Variants in DENND5B observed in about 807,000 individuals in gnomAD.
DENND5B encodes the protein DENN domain containing 5B.
Under a neutral mutation model 140.6 loss-of-function variants are expected in DENND5B, and 34 were observed. The ratio of observed to expected loss-of-function variants is 0.24; its 90% CI spans 0.18 to 0.32. DENND5B has a LOEUF of 0.32. Ranked by LOEUF, DENND5B falls within the 10% of genes least tolerant of loss-of-function variation. The pLI is 1.00. For synonymous variants in DENND5B, 551 were observed against 562.1 expected, an observed-to-expected ratio of 0.98 and a Z score of 0.28; for missense variants, 1,142 against 1,560.2, an observed-to-expected ratio of 0.73 and a Z score of 4.52.
At chr12:31,402,994 T>G (rs1565544994) in intron 14 of DENND5B, among the ~76,000 whole-genome samples, 1 of 152,222 alleles carries the variant, frequency 6.6e-6, no homozygotes, top group Non-Finnish European at 1.5e-5. Flanking sequence ...TTGCTTAAAT[T>G]TTCTTAAAAA....
chr12:31,547,921 G>T (rs1948917124), intron 1 of DENND5B, among the ~76,000 whole-genome samples: 1 of 151,984 alleles, frequency 6.6e-6, no homozygotes, highest in Non-Finnish European at 1.5e-5. Context: ...GGCCAGGCTG[G>T]TCTCAAACTC....
intron 11 of DENND5B, among the ~76,000 whole-genome samples, chr12:31,418,193 C>T (rs1017874229): frequency 1.3e-5 from 2 of 152,026 alleles, no homozygotes; most frequent in Non-Finnish European, 2.9e-5. Context: ...ATCTTGACAC[C>T]CAAGAGGTAA....
chr12:31,539,784 GA>G (rs893163124), intron 1 of DENND5B, among the ~76,000 whole-genome samples: 84 of 144,456 alleles, frequency 5.8e-4, no homozygotes, highest in African/African-American at 1.4e-3. Context: ...TACTGATGAG[GA>G]AAAAAAAAAA....
At chr12:31,589,705 A>T (rs1209299333) in intron 1 of DENND5B, among the ~76,000 whole-genome samples, 1 of 152,036 alleles carries the variant, frequency 6.6e-6, no homozygotes, top group African/African-American at 2.4e-5. Context: ...CTTTAACACA[A>T]AGTTCAGGCG....
intron 5 of DENND5B, 154 bp downstream of exon 5, chr12:31,451,786 G>C: frequency 1.2e-6 from 1 of 844,498 alleles, no homozygotes; most frequent in Non-Finnish European, 1.8e-6. Flanking sequence ...GTTCTTAATG[G>C]GGCTGGAAGA....
intron 11 of DENND5B, among the ~76,000 whole-genome samples, chr12:31,422,740 TAAAGA>T (rs1216251232): frequency 1.3e-5 from 2 of 152,140 alleles, no homozygotes; most frequent in Non-Finnish European, 2.9e-5. Context: ...TTATTTTACA[TAAAGA>T]AAAGCATGTG....
rs570644782 is a variant in DENND5B at position 31,485,136 on chromosome 12, A to T, written c.238-4881T>A. On this transcript the variant is annotated intron_variant, in intron 2 of 20. Coordinates refer to ENST00000389082, the MANE Select transcript of DENND5B (RefSeq NM_144973.4). ...AGCAAATCGATGAGATGCATCAAAAACTGCAAAGCCTGCAGCGGGCACTGG... is the reference window on the plus strand; with the variant it reads ...AGCAAATCGATGAGATGCATCAAAATCTGCAAAGCCTGCAGCGGGCACTGG... Among the ~76,000 whole-genome samples the T allele has an allele frequency of 1.2e-3, 178 of 152,296 alleles. 2 individuals are homozygous for T. The highest frequency in any genetic ancestry group is 4.2e-3 in the African/African-American group (176 of 41,566).
intron 1 of DENND5B, among the ~76,000 whole-genome samples, chr12:31,509,323 A>G (rs1320529164): frequency 6.6e-6 from 1 of 152,276 alleles, no homozygotes; most frequent in East Asian, 1.9e-4. Flanking sequence ...ATTCATCCCT[A>G]AAGAGGAGTT....
At chr12:31,407,330 C>T (rs1942181341) in intron 14 of DENND5B, among the ~76,000 whole-genome samples, 1 of 152,016 alleles carries the variant, frequency 6.6e-6, no homozygotes, top group Admixed American at 6.6e-5. Flanking sequence ...GGGGTTTCAC[C>T]ATGTTGGTCA....
intron 1 of DENND5B, among the ~76,000 whole-genome samples, chr12:31,521,716 T>TCC (rs1385158008): frequency 6.6e-6 from 1 of 152,130 alleles, no homozygotes; most frequent in Non-Finnish European, 1.5e-5. Context: ...TCCTCTTGCT[T>TCC]CCCCTAGCCA....
At position 31,480,351 on chromosome 12, in the gene DENND5B, A is replaced by T. The variant is rs1261352039; in HGVS notation, c.238-96T>A. 4 of 1,228,264 alleles carry T rather than the reference A, an allele frequency of 3.3e-6. No homozygotes were observed. The African/African-American group carries it at 6.1e-5, about 19-fold the overall frequency. The allele number at this position is 1,228,264 out of a possible 1,614,324, so 76.1% of individuals were successfully genotyped here. A position where few individuals can be genotyped will look rare whatever the true frequency, so the allele number is the denominator to read the frequency against. ...TTTTTTAACATAACAGGATTCAAAA[A>T]GACAGGTTTTATCCAGATTTAATAT... On this transcript the variant is annotated intron_variant, in intron 2 of 20. Coordinates refer to ENST00000389082, the MANE Select transcript of DENND5B (RefSeq NM_144973.4).
chr12:31,417,617 T>G (rs1479777531), intron 11 of DENND5B, among the ~76,000 whole-genome samples: 1 of 152,112 alleles, frequency 6.6e-6, no homozygotes. Flanking sequence ...AATTTTTGTA[T>G]TTTTTGTAGA....
intron 1 of DENND5B, among the ~76,000 whole-genome samples, chr12:31,583,691 A>ACAAAAG (rs1950290265): frequency 6.6e-6 from 1 of 150,680 alleles, no homozygotes; most frequent in Admixed American, 6.6e-5. Context: ...AAAAACAAAA[A>ACAAAAG]CAAAAACAAA....
chr12:31,476,493 A>AG (rs1193294787), intron 3 of DENND5B, among the ~76,000 whole-genome samples: 1 of 151,888 alleles, frequency 6.6e-6, no homozygotes, highest in Non-Finnish European at 1.5e-5. Flanking sequence ...GAAAAAAAAA[A>AG]AACCCAAACT....
At chr12:31,415,485 A>G in intron 11 of DENND5B, 37 bp from the exon 12 acceptor site, 2 of 1,471,254 alleles carry the variant, frequency 1.4e-6, no homozygotes, top group Middle Eastern at 1.7e-4. Flanking sequence ...TTAGAAAAGT[A>G]ATAAAAAATA....
intron 17 of DENND5B, among the ~76,000 whole-genome samples, chr12:31,394,706 C>T (rs1470024936): frequency 6.6e-5 from 10 of 151,734 alleles, no homozygotes; most frequent in Middle Eastern, 3.2e-3. Context: ...TTCCGCCTCC[C>T]GGGTTCACGC....
At chr12:31,571,224 C>T (rs1474855542) in intron 1 of DENND5B, among the ~76,000 whole-genome samples, 1 of 152,182 alleles carries the variant, frequency 6.6e-6, no homozygotes, top group Non-Finnish European at 1.5e-5. Context: ...GTTTCTTATA[C>T]CGTCTAAACA....
At chr12:31,541,588 G>C (rs542799831) in intron 1 of DENND5B, among the ~76,000 whole-genome samples, 9 of 152,318 alleles carry the variant, frequency 5.9e-5, no homozygotes, top group Admixed American at 4.6e-4. Flanking sequence ...AACCCTTGTA[G>C]ACAGCTGGTG....
chr12:31,479,571 A>T lies in DENND5B; in HGVS notation c.904+18T>A. 1 of 1,465,258 alleles carries T rather than the reference A, an allele frequency of 6.8e-7. No individual in the cohort carries two copies. The highest frequency in any genetic ancestry group is 9.0e-7 in the Non-Finnish European group (1 of 1,108,100). 90.8% of individuals were successfully genotyped at this position (1,465,258 alleles called of 1,614,324 possible). On this transcript the variant is annotated intron_variant, in intron 3 of 20. Coordinates refer to ENST00000389082, the MANE Select transcript of DENND5B (RefSeq NM_144973.4). ...AAGTACTTGTTTTTGGAAAATGTAAAATCCAAGGAAAACCTACCTTGTGAG... is the reference window on the plus strand; with the variant it reads ...AAGTACTTGTTTTTGGAAAATGTAATATCCAAGGAAAACCTACCTTGTGAG...
Sources: gnomAD v4.1 joint callset for allele counts (sites outside exome capture counted in the v4.1 genomes callset) on GRCh38, gnomAD v4.1.1 for gene constraint, MANE v1.5 for transcripts, NCBI Gene and HGNC (gene_info 2026-07-23, HGNC 2026-07-21) for gene names.